The following IL1RAPL1 variants were observed in gnomAD, a reference collection of about 807,000 sequenced individuals.
IL1RAPL1 encodes the protein interleukin 1 receptor accessory protein like 1.
Under a neutral mutation model 48.4 loss-of-function variants are expected in IL1RAPL1, and 3 were observed. The observed-to-expected ratio is 0.06, with a 90% CI of 0.03 to 0.16. The LOEUF (loss-of-function observed/expected upper bound fraction) is 0.16. Ranked by LOEUF, IL1RAPL1 falls within the 10% of genes least tolerant of loss-of-function variation. The pLI is 1.00. For missense variants in IL1RAPL1, 349 were observed against 530.6 expected (o/e 0.66, Z 3.36); for synonymous variants, 185 against 187.7 (o/e 0.99, Z 0.12).
intron 9 of IL1RAPL1, among the ~76,000 whole-genome samples, chrX:29,949,144 A>G (rs1429029427): frequency 8.9e-6 from 1 of 112,134 alleles, no homozygotes; most frequent in Non-Finnish European, 1.9e-5. Flanking sequence ...AGAAAGGTGC[A>G]TTTATCTATA....
intron 1 of IL1RAPL1, among the ~76,000 whole-genome samples, chrX:28,725,324 C>G (rs1375702659): frequency 8.9e-6 from 1 of 111,793 alleles, no homozygotes; most frequent in Non-Finnish European, 1.9e-5. Flanking sequence ...CAAGAATTCA[C>G]TGGACTAGAG....
At chrX:29,253,975 A>C (rs1445446757) in intron 2 of IL1RAPL1, among the ~76,000 whole-genome samples, 1 of 111,864 alleles carries the variant, frequency 8.9e-6, no homozygotes, top group Non-Finnish European at 1.9e-5. Flanking sequence ...GACATAAAGC[A>C]AATGGTCTTG....
intron 2 of IL1RAPL1, among the ~76,000 whole-genome samples, chrX:29,229,919 G>A (rs773903029): frequency 8.9e-6 from 1 of 112,190 alleles, no homozygotes; most frequent in Non-Finnish European, 1.9e-5. Context: ...TGCAAACTGT[G>A]TGATACATGA....
At chrX:28,881,253 A>C (rs982743309) in intron 2 of IL1RAPL1, among the ~76,000 whole-genome samples, 1 of 112,228 alleles carries the variant, frequency 8.9e-6, no homozygotes, top group African/African-American at 3.2e-5. Context: ...CCAGTAAGTT[A>C]TTTCTGATTG....
intron 6 of IL1RAPL1, among the ~76,000 whole-genome samples, chrX:29,837,180 G>A (rs1388371474): frequency 2.0e-5 from 2 of 102,447 alleles, no homozygotes; most frequent in African/African-American, 3.6e-5. Context: ...GAAGAATCGC[G>A]TGAACCCGGG....
intron 6 of IL1RAPL1, among the ~76,000 whole-genome samples, chrX:29,806,557 G>T (rs1040502735): frequency 2.7e-5 from 3 of 110,028 alleles, no homozygotes; most frequent in Non-Finnish European, 5.7e-5. Context: ...AGATAATATT[G>T]TCATGGGTCA....
chrX:28,867,260 C>A (rs1288932508), intron 2 of IL1RAPL1, among the ~76,000 whole-genome samples: 1 of 111,750 alleles, frequency 8.9e-6, no homozygotes, highest in East Asian at 2.8e-4. Context: ...GACAGGTAAT[C>A]TAGAGGAATA....
intron 3 of IL1RAPL1, among the ~76,000 whole-genome samples, chrX:29,346,618 A>G (rs1158705631): frequency 8.9e-6 from 1 of 112,862 alleles, no homozygotes; most frequent in Non-Finnish European, 1.9e-5. Flanking sequence ...CAGAGTAGGC[A>G]TCATATACGT....
chrX:29,316,437 G>A (rs1347782089), intron 3 of IL1RAPL1, among the ~76,000 whole-genome samples: 2 of 112,157 alleles, frequency 1.8e-5, no homozygotes, highest in East Asian at 2.8e-4. Flanking sequence ...CCAAACATAC[G>A]TCTTTTTATT....
chrX:29,466,949 G>T (rs1287057760), intron 5 of IL1RAPL1, among the ~76,000 whole-genome samples: 1 of 111,011 alleles, frequency 9.0e-6, no homozygotes, highest in Non-Finnish European at 1.9e-5. Context: ...GAACCTGTTA[G>T]AGACAAAAAT....
intron 2 of IL1RAPL1, among the ~76,000 whole-genome samples, chrX:29,022,205 C>T (rs1351755195): frequency 1.8e-5 from 2 of 111,117 alleles, no homozygotes; most frequent in Non-Finnish European, 3.8e-5. Context: ...GAATTTCGCC[C>T]CAACCCTCAT....
At chrX:29,840,090 G>A (rs1373434500) in intron 6 of IL1RAPL1, among the ~76,000 whole-genome samples, 5 of 111,933 alleles carry the variant, frequency 4.5e-5, no homozygotes, top group Non-Finnish European at 9.4e-5. Context: ...AGGTCATAAC[G>A]GTTTAAAATT....
intron 2 of IL1RAPL1, among the ~76,000 whole-genome samples, chrX:28,943,657 A>G (rs2147350319): frequency 9.1e-6 from 1 of 110,193 alleles, no homozygotes; most frequent in African/African-American, 3.3e-5. Context: ...ATTAGTAAGT[A>G]CAAAAAGTAA....
At chrX:29,188,329 C>T (rs184663743) in intron 2 of IL1RAPL1, among the ~76,000 whole-genome samples, 96 of 111,108 alleles carry the variant, frequency 8.6e-4, no homozygotes, top group African/African-American at 3.0e-3. Flanking sequence ...GATTTTTTCC[C>T]CTAGTGCACA....
chrX:28,850,865 A>G (rs1395378072), intron 2 of IL1RAPL1, among the ~76,000 whole-genome samples: 1 of 103,739 alleles, frequency 9.6e-6, no homozygotes, highest in Non-Finnish European at 2.0e-5. Context: ...CTGTTAAATA[A>G]GTCTGAATAT....
At chrX:29,803,871 A>T (rs1601832381) in intron 6 of IL1RAPL1, among the ~76,000 whole-genome samples, 1 of 110,547 alleles carries the variant, frequency 9.0e-6, no homozygotes, top group African/African-American at 3.3e-5. Context: ...GACCAGAGGA[A>T]GCTAAAGAAA....
Position 29,918,238 on chromosome X carries a change from T to TA in IL1RAPL1, c.911+660dup, listed in dbSNP as rs771849523. Among the ~76,000 whole-genome samples, 7 of 59,344 alleles carry TA rather than the reference T, an allele frequency of 1.2e-4. No homozygotes were observed. In the South Asian group the frequency reaches 2.2e-3, roughly 18 times the overall value. The allele number at this position is 59,344 out of a possible 115,157, so 51.5% of individuals were successfully genotyped here. On this transcript the variant is annotated intron_variant, in intron 7 of 10. Transcript: ENST00000378993. Reference sequence around the variant, plus strand: ...CTTTTTGTATATGAGACCTTTTTTTTAAAAAAAAAAAAAAAAAATGTTCTT... The same window carrying TA: ...CTTTTTGTATATGAGACCTTTTTTTTAAAAAAAAAAAAAAAAAAATGTTCTT...
At chrX:29,925,667 G>A (rs1411301541) in intron 8 of IL1RAPL1, among the ~76,000 whole-genome samples, 1 of 106,449 alleles carries the variant, frequency 9.4e-6, no homozygotes, top group Non-Finnish European at 1.9e-5. Flanking sequence ...CCTCCCTTGT[G>A]GCTAGGACTA....
chrX:29,924,829 C>T (rs1386933060), intron 8 of IL1RAPL1, among the ~76,000 whole-genome samples: 4 of 111,885 alleles, frequency 3.6e-5, no homozygotes, highest in Non-Finnish European at 7.5e-5. Flanking sequence ...TGTGTGCACT[C>T]TCTTTATCCC....
Sources: gnomAD v4.1 joint callset for allele counts (sites outside exome capture counted in the v4.1 genomes callset) on GRCh38, gnomAD v4.1.1 for gene constraint, MANE v1.5 for transcripts, NCBI Gene and HGNC (gene_info 2026-07-23, HGNC 2026-07-21) for gene names.